Variants in DYNC1I1 observed in about 807,000 individuals in gnomAD.
DYNC1I1 encodes cytoplasmic dynein 1 intermediate chain 1.
Under a neutral mutation model 86.6 loss-of-function variants are expected in DYNC1I1, and 43 were observed. The ratio of observed to expected loss-of-function variants is 0.50; its 90% CI spans 0.39 to 0.64. The LOEUF (loss-of-function observed/expected upper bound fraction) is 0.64, where lower values mean the gene tolerates loss of function less well. DYNC1I1 is among the 30% of genes least tolerant of loss of function. DYNC1I1 has a pLI of 0.00. For synonymous variants in DYNC1I1, 262 were observed against 283.7 expected (o/e 0.92, Z 0.77); for missense variants, 604 against 788.8 (o/e 0.77, Z 2.81).
intron 6 of DYNC1I1, among the ~76,000 whole-genome samples, chr7:95,914,621 C>T (rs1334452155): frequency 3.9e-5 from 6 of 152,194 alleles, no homozygotes; most frequent in Admixed American, 6.5e-5. Context: ...ATCATATGGT[C>T]AAATTAGTTA....
At chr7:95,992,889 A>G (rs1793766925) in intron 9 of DYNC1I1, among the ~76,000 whole-genome samples, 1 of 152,044 alleles carries the variant, frequency 6.6e-6, no homozygotes, top group African/African-American at 2.4e-5. Flanking sequence ...GGAGGCCTCA[A>G]CCTCTGCCGG....
At chr7:95,932,561 C>G (rs532058671) in intron 6 of DYNC1I1, among the ~76,000 whole-genome samples, 1 of 152,296 alleles carries the variant, frequency 6.6e-6, no homozygotes, top group East Asian at 1.9e-4. Flanking sequence ...TTGACCCCGC[C>G]TGAGAAAATG....
intron 10 of DYNC1I1, among the ~76,000 whole-genome samples, chr7:96,025,323 T>C (rs1473027122): frequency 6.6e-6 from 1 of 151,902 alleles, no homozygotes; most frequent in Non-Finnish European, 1.5e-5. Flanking sequence ...ATATGTCATG[T>C]AATACATATA....
chr7:96,023,192 A>G (rs754765265), intron 10 of DYNC1I1, among the ~76,000 whole-genome samples: 5 of 149,776 alleles, frequency 3.3e-5, no homozygotes, highest in Non-Finnish European at 7.4e-5. Context: ...TTTTAGGCAA[A>G]TAAAACGTCA....
chr7:95,975,526 C>G (rs187341821), intron 6 of DYNC1I1, among the ~76,000 whole-genome samples: 2 of 152,256 alleles, frequency 1.3e-5, no homozygotes, highest in East Asian at 3.9e-4. Context: ...TATAATGGCA[C>G]CAGTCATGTT....
At chr7:95,982,032 GT>G (rs1436581243) in intron 7 of DYNC1I1, among the ~76,000 whole-genome samples, 5 of 151,982 alleles carry the variant, frequency 3.3e-5, no homozygotes, top group Non-Finnish European at 7.4e-5. Flanking sequence ...GCCTGGAGAG[GT>G]TTTTATCTCT....
chr7:95,820,679 G>A (rs1199753048), intron 4 of DYNC1I1, among the ~76,000 whole-genome samples: 1 of 152,232 alleles, frequency 6.6e-6, no homozygotes, highest in Non-Finnish European at 1.5e-5. Flanking sequence ...AAATTCACTT[G>A]GTAGAGAAGA....
At chr7:96,027,870 G>A (rs1350742466) in intron 10 of DYNC1I1, among the ~76,000 whole-genome samples, 7 of 152,142 alleles carry the variant, frequency 4.6e-5, no homozygotes, top group African/African-American at 1.7e-4. Flanking sequence ...TGTCCATAAA[G>A]CAAGATTTAC....
intron 6 of DYNC1I1, among the ~76,000 whole-genome samples, chr7:95,945,111 G>C (rs1286238520): frequency 6.6e-6 from 1 of 151,612 alleles, no homozygotes; most frequent in African/African-American, 2.4e-5. Flanking sequence ...TAATACAAAT[G>C]TTTTGAGGAT....
chr7:96,035,867 G>A, intron 13 of DYNC1I1, 115 bp downstream of exon 13: 2 of 1,507,496 alleles, frequency 1.3e-6, no homozygotes, highest in Non-Finnish European at 1.8e-6. Context: ...AAAATGGAAA[G>A]CACGACTTCA....
At chr7:95,974,697 A>G (rs150936081) in intron 6 of DYNC1I1, among the ~76,000 whole-genome samples, 333 of 152,322 alleles carry the variant, frequency 2.2e-3, no homozygotes, top group African/African-American at 7.1e-3. Flanking sequence ...GGATTCCAGA[A>G]TGAAAATTAG....
chr7:95,931,971 A>G (rs1370764952), intron 6 of DYNC1I1, among the ~76,000 whole-genome samples: 1 of 152,230 alleles, frequency 6.6e-6, no homozygotes, highest in Non-Finnish European at 1.5e-5. Flanking sequence ...ATTTCACAAT[A>G]TGCAATTTTA....
At chr7:95,832,919 T>C (rs1788955179) in intron 5 of DYNC1I1, among the ~76,000 whole-genome samples, 1 of 152,162 alleles carries the variant, frequency 6.6e-6, no homozygotes. Context: ...TTTTGTAGGT[T>C]GCCTGTTCAC....
chr7:95,867,172 C>A (rs934174188), intron 5 of DYNC1I1, among the ~76,000 whole-genome samples: 2 of 152,188 alleles, frequency 1.3e-5, no homozygotes, highest in African/African-American at 2.4e-5. Context: ...ACTCTACTAT[C>A]TTAAGGAATC....
At chr7:95,966,186 G>A (rs1793007292) in intron 6 of DYNC1I1, among the ~76,000 whole-genome samples, 1 of 152,174 alleles carries the variant, frequency 6.6e-6, no homozygotes, top group African/African-American at 2.4e-5. Flanking sequence ...GTGGACTGAT[G>A]GACAGGATGA....
Position 95,846,666 on chromosome 7 carries a change from T to TGTGTGTGTGTGTGTGTGTGA in DYNC1I1, c.374+18551_374+18552insTGTGTGTGTGTGTGTGTGAG, listed in dbSNP as rs1400288683. The stretch of plus-strand genomic sequence containing the variant: ...GTGTGTGTGTGTGTGTGTGTGTGTG[T>TGTGTGTGTGTGTGTGTGTGA]GACGAAGGGGGCCACAAGGCCAGGT... On this transcript the variant is annotated intron_variant, in intron 5 of 16. Transcript: ENST00000447467. 3.3e-5 allele frequency among the ~76,000 whole-genome samples: 5 copies of TGTGTGTGTGTGTGTGTGTGA among 150,774 alleles called. No homozygotes were observed. The South Asian group carries it at 1.1e-3, about 32-fold the overall frequency.
chr7:95,899,374 C>T (rs1271269373), intron 6 of DYNC1I1, among the ~76,000 whole-genome samples: 1 of 152,146 alleles, frequency 6.6e-6, no homozygotes, highest in African/African-American at 2.4e-5. Flanking sequence ...GCCGGGATGC[C>T]TCCATGGGCC....
In DYNC1I1 at chr7:95,977,671, G is replaced by A; in HGVS notation, c.580+70G>A. Reference sequence around the variant, plus strand: ...TTTGTTTGCCTTTACTAATATAAGAGACTATAGAGCTAAGTAAAAATTGAA... The same window carrying A: ...TTTGTTTGCCTTTACTAATATAAGAAACTATAGAGCTAAGTAAAAATTGAA... On this transcript the variant is annotated intron_variant, in intron 7 of 16. Coordinates refer to ENST00000447467, the MANE Select transcript of DYNC1I1 (RefSeq NM_001135556.2). The A allele has an allele frequency of 2.8e-6, 4 of 1,437,858 alleles. No individual in the cohort carries two copies. The Middle Eastern group carries it at 7.2e-4, about 259-fold the overall frequency. The allele number at this position is 1,437,858 out of a possible 1,614,324, so 89.1% of individuals were successfully genotyped here. A position where few individuals can be genotyped will look rare whatever the true frequency, so the allele number is the denominator to read the frequency against.
At chr7:95,869,470 C>T (rs1463075250) in intron 5 of DYNC1I1, among the ~76,000 whole-genome samples, 3 of 151,478 alleles carry the variant, frequency 2.0e-5, no homozygotes, top group African/African-American at 7.3e-5. Context: ...TTAAAGAACC[C>T]ACCTCTCTTT....
Sources: gnomAD v4.1 joint callset for allele counts (sites outside exome capture counted in the v4.1 genomes callset) on GRCh38, gnomAD v4.1.1 for gene constraint, MANE v1.5 for transcripts, NCBI Gene and HGNC (gene_info 2026-07-23, HGNC 2026-07-21) for gene names.